Variants in LEF1 observed in about 807,000 individuals in gnomAD.
LEF1 encodes lymphoid enhancer binding factor 1.
LEF1 carries 14 observed loss-of-function variants against 51.2 expected under a neutral mutation model. The observed-to-expected ratio is 0.27, with a 90% CI of 0.18 to 0.43. The LOEUF (loss-of-function observed/expected upper bound fraction) is 0.43. LEF1 is among the 20% of genes least tolerant of loss of function. LEF1 has a pLI of 1.00. For synonymous variants in LEF1, 185 were observed against 183.2 expected (o/e 1.01, Z -0.08); for missense variants, 386 against 512.0 (o/e 0.75, Z 2.37).
At chr4:108,054,784 T>G (rs902282204) in intron 11 of LEF1, among the ~76,000 whole-genome samples, 2 of 152,226 alleles carry the variant, frequency 1.3e-5, no homozygotes, top group Non-Finnish European at 2.9e-5. Context: ...AAAAGTTAGA[T>G]TCACAAAAAC....
At chr4:108,152,152 G>T (rs1744395269) in intron 3 of LEF1, among the ~76,000 whole-genome samples, 1 of 152,216 alleles carries the variant, frequency 6.6e-6, no homozygotes, top group Admixed American at 6.5e-5. Flanking sequence ...GGGATCCGGA[G>T]GAACTTCATT....
intron 3 of LEF1, among the ~76,000 whole-genome samples, chr4:108,092,690 CAACT>C (rs1278152841): frequency 1.7e-5 from 2 of 114,922 alleles, no homozygotes; most frequent in Admixed American, 8.5e-5. Context: ...AATAATCAAC[CAACT>C]ATCTAAGTGT....
chr4:108,117,312 G>A (rs138165944), intron 3 of LEF1, among the ~76,000 whole-genome samples: 166 of 151,768 alleles, frequency 1.1e-3, no homozygotes, highest in Middle Eastern at 3.2e-3. Context: ...ATATTTTACC[G>A]TGATTAAATA....
intron 11 of LEF1, among the ~76,000 whole-genome samples, chr4:108,061,036 C>A (rs569967036): frequency 6.6e-6 from 1 of 152,166 alleles, no homozygotes; most frequent in Non-Finnish European, 1.5e-5. Context: ...CTCTACTCTA[C>A]AATTCTTATC....
At position 108,060,773 on chromosome 4, in the gene LEF1, C is replaced by T. The variant is rs1242923192; in HGVS notation, c.*6+2850G>A. On this transcript the variant is annotated intron_variant, in intron 11 of 11. Transcript: ENST00000265165. ...TGTTTTTTTTAATCAACTACCCTCA[C>T]AGCAACATAACAAGCACTGTGAGAA... Among the ~76,000 whole-genome samples, 3 of 152,110 alleles carry T rather than the reference C, an allele frequency of 2.0e-5. No individual in the cohort carries two copies. In the East Asian group the frequency reaches 5.8e-4, roughly 29 times the overall value.
At chr4:108,101,537 T>G (rs1740822306) in intron 3 of LEF1, among the ~76,000 whole-genome samples, 2 of 152,192 alleles carry the variant, frequency 1.3e-5, no homozygotes, top group African/African-American at 2.4e-5. Flanking sequence ...AAGAATGTTC[T>G]CAAGACAGTC....
intron 8 of LEF1, chr4:108,070,978 T>A: frequency 2.1e-6 from 1 of 474,540 alleles, no homozygotes; most frequent in Non-Finnish European, 3.8e-6. Flanking sequence ...CTCTATCCTG[T>A]TCTCTGATAT....
intron 3 of LEF1, among the ~76,000 whole-genome samples, chr4:108,142,285 G>A (rs569343481): frequency 6.6e-6 from 1 of 152,264 alleles, no homozygotes; most frequent in African/African-American, 2.4e-5. Flanking sequence ...GGTTTATTTG[G>A]GAAGTTGTAA....
chr4:108,066,250 A>G (rs980946308), intron 9 of LEF1, among the ~76,000 whole-genome samples: 4 of 152,280 alleles, frequency 2.6e-5, no homozygotes, highest in Middle Eastern at 3.4e-3. Flanking sequence ...GGTCCTTTCA[A>G]TGTAATTACT....
chr4:108,130,782 C>T (rs1742829799), intron 3 of LEF1, among the ~76,000 whole-genome samples: 1 of 151,140 alleles, frequency 6.6e-6, no homozygotes. Flanking sequence ...TAAAATAACA[C>T]ATTCCCTTCC....
intron 3 of LEF1, among the ~76,000 whole-genome samples, chr4:108,153,592 T>G (rs1326546773): frequency 6.6e-6 from 1 of 152,206 alleles, no homozygotes; most frequent in African/African-American, 2.4e-5. Context: ...TATAAACATG[T>G]TTTTAAGATT....
chr4:108,116,134 C>T (rs1741827538), intron 3 of LEF1, among the ~76,000 whole-genome samples: 1 of 152,102 alleles, frequency 6.6e-6, no homozygotes, highest in Non-Finnish European at 1.5e-5. Flanking sequence ...ATCAAGGTAG[C>T]TGTGTGGGAG....
intron 3 of LEF1, among the ~76,000 whole-genome samples, chr4:108,132,685 T>TTTTTTTTTG: frequency 2.9e-5 from 4 of 139,506 alleles, no homozygotes; most frequent in African/African-American, 8.2e-5. Flanking sequence ...TTTTTTTTTT[T>TTTTTTTTTG]GAGGCAGGGT....
intron 1 of LEF1, chr4:108,166,862 G>A (rs1578417714): frequency 1.0e-6 from 1 of 975,494 alleles, no homozygotes; most frequent in South Asian, 4.7e-5. Context: ...GTACAGCCAG[G>A]GTGTACCCTT....
At chr4:108,075,674 C>T in intron 8 of LEF1, among the ~76,000 whole-genome samples, 1 of 152,202 alleles carries the variant, frequency 6.6e-6, no homozygotes, top group East Asian at 1.9e-4. Flanking sequence ...TCACTTCAAT[C>T]CCATACAAAG....
chr4:108,128,060 C>T (rs151252083), intron 3 of LEF1, among the ~76,000 whole-genome samples: 125 of 152,234 alleles, frequency 8.2e-4, no homozygotes, highest in African/African-American at 2.9e-3. Flanking sequence ...TTGATAAATA[C>T]AGTGAATACC....
At chr4:108,163,507 GC>G in intron 3 of LEF1, 60 bp downstream of exon 3, 2 of 1,555,856 alleles carry the variant, frequency 1.3e-6, no homozygotes, top group Non-Finnish European at 1.8e-6. Context: ...TAAACATTCT[GC>G]CAAAATACAA....
intron 4 of LEF1, among the ~76,000 whole-genome samples, chr4:108,085,681 AG>A (rs1739595463): frequency 7.3e-6 from 1 of 137,118 alleles, no homozygotes; most frequent in Non-Finnish European, 1.6e-5. Context: ...ACTAGAGGAC[AG>A]GTCCTATGCT....
intron 3 of LEF1, among the ~76,000 whole-genome samples, chr4:108,100,344 C>G (rs1399488489): frequency 6.6e-6 from 1 of 152,048 alleles, no homozygotes; most frequent in African/African-American, 2.4e-5. Context: ...ACTTTCAATT[C>G]TATTAATAAA....
Sources: allele counts gnomAD v4.1 joint callset (sites outside exome capture counted in the v4.1 genomes callset), GRCh38; gene constraint gnomAD v4.1.1; transcripts MANE v1.5; gene names NCBI Gene and HGNC (gene_info 2026-07-23, HGNC 2026-07-21).